LHX2: variants seen among roughly 807,000 people sequenced by gnomAD.
LHX2 encodes LIM/homeobox protein Lhx2.
Under a neutral mutation model 33.0 loss-of-function variants are expected in LHX2, and 6 were observed. That is an observed-to-expected ratio of 0.18 (90% CI 0.10 to 0.36). The LOEUF is 0.36. Ranked by LOEUF, LHX2 falls within the 10% of genes least tolerant of loss-of-function variation. The probability of loss-of-function intolerance (pLI) is 1.00; values close to 1 mark genes in which losing one functional copy is unlikely to be tolerated. For missense variants in LHX2, 442 were observed against 586.2 expected, an observed-to-expected ratio of 0.75 and a Z score of 2.54; for synonymous variants, 292 against 253.1, an observed-to-expected ratio of 1.15 and a Z score of -1.46.
At chr9:124,030,498 C>A (rs115457351) in intron 4 of LHX2, among the ~76,000 whole-genome samples, 1 of 152,156 alleles carries the variant, frequency 6.6e-6, no homozygotes, top group Non-Finnish European at 1.5e-5. Flanking sequence ...CCCAGAGTGG[C>A]CTGGATTTCC....
intron 4 of LHX2, among the ~76,000 whole-genome samples, chr9:124,030,678 C>T (rs1367844360): frequency 2.9e-5 from 4 of 136,172 alleles, no homozygotes; most frequent in Non-Finnish European, 6.0e-5. Context: ...GTGGCCCAGG[C>T]TGGAGTGCAG....
rs1859147250 is a variant in LHX2, at chr9:124,014,288, C to G, written c.323+125C>G. 1.7e-6 allele frequency: 1 copy of G among 603,248 alleles called. No individual in the cohort carries two copies. The highest frequency in any genetic ancestry group is 2.0e-5 in the African/African-American group (1 of 49,214). 37.4% of individuals were successfully genotyped at this position (603,248 alleles called of 1,614,324 possible). A position where few individuals can be genotyped will look rare whatever the true frequency, so the allele number is the denominator to read the frequency against. On this transcript the variant is annotated intron_variant, in intron 2 of 4. Transcript: ENST00000373615. The surrounding 1 kb of genome is among the most constrained non-coding windows in gnomAD (Gnocchi z 4.8). ...GTTCACTACTCAGGACTCCCCCGCT[C>G]CCCCCCCAAGTTCTCCAAGCCACCA...
rs1362713822 is a variant in LHX2 at position 124,014,003 on chromosome 9, G to A, written c.163G>A (p.Gly55Ser). 6.2e-7 allele frequency: 1 copy of A among 1,613,440 alleles called. No individual in the cohort carries two copies. ...ISSDRAALCA[G>S]CGGKISDRYY... ...CAGTGACCGCGCCGCGCTGTGCGCCGGCTGCGGGGGCAAGATCTCGGACCG... is the reference window on the plus strand; with the variant it reads ...CAGTGACCGCGCCGCGCTGTGCGCCAGCTGCGGGGGCAAGATCTCGGACCG... Residue 55 changes from glycine (G) to serine (S), a missense_variant, in exon 2 of 5, where the codon GGC (glycine) becomes AGC (serine). By Grantham distance (56) the Gly-to-Ser change is moderately conservative. Transcript: ENST00000373615. This position sits in a 1 kb window ranked among gnomAD's most constrained non-coding sequence, Gnocchi z 4.8.
chr9:124,013,840 G>A, intron 1 of LHX2, 121 bp from the exon 2 acceptor site: 1 of 852,438 alleles, frequency 1.2e-6, no homozygotes, highest in East Asian at 2.6e-5. Flanking sequence ...TGTCCTGGCA[G>A]CCCCCTCCGC....
At chr9:124,028,960 A>T (rs11998857) in intron 4 of LHX2, among the ~76,000 whole-genome samples, 1 of 152,136 alleles carries the variant, frequency 6.6e-6, no homozygotes, top group Non-Finnish European at 1.5e-5. Flanking sequence ...ATACAAAAAA[A>T]TTAGCCAGGC....
intron 4 of LHX2, among the ~76,000 whole-genome samples, chr9:124,031,305 C>T (rs12341610): frequency 0.012 from 1,798 of 152,328 alleles, 31 homozygotes; most frequent in African/African-American, 0.041. Flanking sequence ...TCTTTCACTT[C>T]CTCTTAGTAA....
In LHX2 at chr9:124,016,900, A is replaced by G. The variant is rs534728726; in HGVS notation, c.727+1375A>G. Among the ~76,000 whole-genome samples the G allele has an allele frequency of 3.4e-4, 52 of 152,214 alleles. No homozygotes were observed. Among genetic ancestry groups the G allele is most frequent in the Non-Finnish European group, 6.9e-4 (47 of 68,014 alleles). On this transcript the variant is annotated intron_variant, in intron 3 of 4. Transcript: ENST00000373615. The surrounding 1 kb of genome is among the most constrained non-coding windows in gnomAD (Gnocchi z 4.4). ...AGTTCAGACCGGCTCCCCCAACACC[A>G]AGCCGCTTCTATTTATCAAGTGGGT...
At position 124,012,427 on chromosome 9, in the gene LHX2, C is replaced by G. The variant is rs1218118920; in HGVS notation, c.79C>G (p.Pro27Ala). The stretch of plus-strand genomic sequence containing the variant: ...GGACCGCAGGGCCAAGAGCGAGGCT[C>G]CCGCCATCAGCTCCGCCATCGACCG... ...EMDRRAKSEAPAISSAIDRGD... is the reference protein window; with the variant it reads ...EMDRRAKSEAAAISSAIDRGD... Residue 27 changes from proline (P) to alanine (A), a missense_variant, in exon 1 of 5, where the codon CCC becomes GCC. This residue lies in a region of LHX2 where 97 missense variants were observed against 81.5 expected (regional missense o/e 1.19). Coordinates refer to ENST00000373615, the MANE Select transcript of LHX2 (RefSeq NM_004789.4). The surrounding 1 kb of genome is among the most constrained non-coding windows in gnomAD (Gnocchi z 4.3). 2 of 1,539,388 alleles carry G rather than the reference C, an allele frequency of 1.3e-6. No homozygotes were observed. The highest frequency in any genetic ancestry group is 3.8e-5 in the Admixed American group (2 of 51,962).
chr9:124,020,988 C>T (rs1183458124), intron 3 of LHX2, 111 bp from the exon 4 acceptor site: 4 of 914,600 alleles, frequency 4.4e-6, no homozygotes, highest in Non-Finnish European at 6.8e-6. Flanking sequence ...GTGGCGCAGA[C>T]ATGCAGCAGG....
rs116016329 is a variant in LHX2 at position 124,031,068 on chromosome 9, A to G, written c.934-1352A>G. Among the ~76,000 whole-genome samples the G allele has an allele frequency of 3.1e-3, 476 of 152,318 alleles. 3 individuals carry two copies. Among genetic ancestry groups the G allele is most frequent in the African/African-American group, 0.011 (460 of 41,586 alleles). ...TCTCTCACTGACATTCTTTTCAGACAGAGCTCAGCCCCAGCTCTGCGCCCC... is the reference window on the plus strand; with the variant it reads ...TCTCTCACTGACATTCTTTTCAGACGGAGCTCAGCCCCAGCTCTGCGCCCC... On this transcript the variant is annotated intron_variant, in intron 4 of 4. Transcript: ENST00000373615.
rs560527359 is a variant in LHX2, at chr9:124,021,099, C to T, written c.728C>T (p.Ala243Val). The change falls in exon 4 of 5, where the codon GCG (alanine) becomes GTG (valine). Residue 243 changes from alanine to valine, a missense_variant and splice_region_variant. Transcript: ENST00000373615. Reference sequence around the variant, plus strand: ...CACCGGCTCTGTGTCTCCTCCCTAGCGCTAAGCTGCAACGAAAACGACGCA... The same window carrying T: ...CACCGGCTCTGTGTCTCCTCCCTAGTGCTAAGCTGCAACGAAAACGACGCA... ...PGADLAAYNA[A>V]LSCNENDAEH... is the part of the protein sequence containing the mutation. The T allele has an allele frequency of 1.2e-6, 2 of 1,613,994 alleles. No individual in the cohort carries two copies.
At chr9:124,020,115 T>A (rs184870052) in intron 3 of LHX2, among the ~76,000 whole-genome samples, 1 of 152,272 alleles carries the variant, frequency 6.6e-6, no homozygotes, top group African/African-American at 2.4e-5. Context: ...TGGTTACCGG[T>A]GGTGTGGCAG....
chr9:124,020,394 G>A (rs140637535), intron 3 of LHX2, among the ~76,000 whole-genome samples: 3 of 152,166 alleles, frequency 2.0e-5, no homozygotes, highest in African/African-American at 4.8e-5. Flanking sequence ...ACAGGGTAGC[G>A]ATGAGGATTA....
intron 4 of LHX2, among the ~76,000 whole-genome samples, chr9:124,026,851 A>T (rs1828634296): frequency 6.6e-6 from 1 of 152,238 alleles, no homozygotes; most frequent in Non-Finnish European, 1.5e-5. Context: ...GGAGGTAGTC[A>T]GGGAAGGCTT....
At chr9:124,028,399 A>G (rs1828660111) in intron 4 of LHX2, among the ~76,000 whole-genome samples, 1 of 152,202 alleles carries the variant, frequency 6.6e-6, no homozygotes, top group Non-Finnish European at 1.5e-5. Context: ...TGAAAAGAGA[A>G]GGCCTGTCAG....
Position 124,014,287 on chromosome 9 carries a change from T to TCCCC in LHX2, c.323+129_323+132dup, listed in dbSNP as rs369078188. The TCCCC allele has an allele frequency of 1.2e-4, 70 of 587,708 alleles. No homozygotes were observed. The highest frequency in any genetic ancestry group is 1.1e-3 in the African/African-American group (55 of 48,800). 36.4% of individuals were successfully genotyped at this position (587,708 alleles called of 1,614,324 possible). A position where few individuals can be genotyped will look rare whatever the true frequency, so the allele number is the denominator to read the frequency against. On this transcript the variant is annotated intron_variant, in intron 2 of 4. Transcript: ENST00000373615. The surrounding 1 kb of genome is among the most constrained non-coding windows in gnomAD (Gnocchi z 4.8). ...GGTTCACTACTCAGGACTCCCCCGC[T>TCCCC]CCCCCCCCAAGTTCTCCAAGCCACC...
At chr9:124,031,723 C>T (rs1828705894) in intron 4 of LHX2, 1 of 151,980 alleles carries the variant, frequency 6.6e-6, no homozygotes, top group African/African-American at 2.4e-5. Context: ...GATATTCTAC[C>T]TGCTTTTTTT....
intron 4 of LHX2, chr9:124,031,743 A>G (rs1032717522): frequency 1.3e-5 from 2 of 152,100 alleles, no homozygotes; most frequent in South Asian, 2.1e-4. Context: ...TTTCATATTC[A>G]GCCTTCAGAT....
intron 4 of LHX2, among the ~76,000 whole-genome samples, chr9:124,025,164 C>T (rs116265838): frequency 0.011 from 1,673 of 152,316 alleles, 25 homozygotes; most frequent in African/African-American, 0.039. Flanking sequence ...CTTGGCCGGG[C>T]ACTGTGGCTC....
Sources: allele counts gnomAD v4.1 joint callset (sites outside exome capture counted in the v4.1 genomes callset), GRCh38; gene constraint gnomAD v4.1.1; regional missense constraint gnomAD v4.1.1; non-coding constraint Gnocchi (gnomAD v3.1); transcripts MANE v1.5; gene names NCBI Gene and HGNC (gene_info 2026-07-23, HGNC 2026-07-21).